Variants in GRM7 observed in about 807,000 individuals in gnomAD.
The protein encoded by GRM7 is metabotropic glutamate receptor 7.
Under a neutral mutation model 84.5 loss-of-function variants are expected in GRM7, and 35 were observed. The observed-to-expected ratio is 0.41, with a 90% CI of 0.32 to 0.55. The LOEUF (loss-of-function observed/expected upper bound fraction) is 0.55. Among genes scored for constraint, GRM7 ranks in the 20% least tolerant of loss-of-function variants. GRM7 has a pLI of 0.19. For synonymous variants in GRM7, 487 were observed against 455.1 expected (o/e 1.07, Z -0.89); for missense variants, 1,003 against 1,194.6 (o/e 0.84, Z 2.36).
chr3:7,622,181 G>C (rs766307655), intron 8 of GRM7, among the ~76,000 whole-genome samples: 2 of 152,130 alleles, frequency 1.3e-5, no homozygotes, highest in East Asian at 3.9e-4. Context: ...GCCAGGGGTT[G>C]ATAGTAGATG....
intron 1 of GRM7, among the ~76,000 whole-genome samples, chr3:7,038,601 A>G (rs1300833474): frequency 1.3e-5 from 2 of 152,172 alleles, no homozygotes; most frequent in African/African-American, 2.4e-5. Flanking sequence ...GGTGCTACCT[A>G]CGTGAGTCTA....
At chr3:6,919,365 ATT>A (rs60633616) in intron 1 of GRM7, among the ~76,000 whole-genome samples, 15 of 109,454 alleles carry the variant, frequency 1.4e-4, no homozygotes, top group South Asian at 3.1e-4. Flanking sequence ...TGCCTGGCTA[ATT>A]TTTTTTTTTT....
At chr3:7,194,781 T>A (rs1213879649) in intron 2 of GRM7, among the ~76,000 whole-genome samples, 7 of 152,252 alleles carry the variant, frequency 4.6e-5, no homozygotes, top group Non-Finnish European at 1.0e-4. Context: ...AAGGGTAAAA[T>A]GAGTTAATAT....
chr3:7,375,264 G>A (rs541684019), intron 4 of GRM7, among the ~76,000 whole-genome samples: 72 of 146,540 alleles, frequency 4.9e-4, no homozygotes, highest in Non-Finnish European at 8.5e-4. Context: ...GGTCACCCAG[G>A]CCAAAGTGCA....
chr3:7,603,718 A>C (rs1696430341), intron 8 of GRM7, among the ~76,000 whole-genome samples: 1 of 152,056 alleles, frequency 6.6e-6, no homozygotes, highest in Admixed American at 6.6e-5. Flanking sequence ...CATAGGTTTC[A>C]ATCATATGGG....
chr3:7,214,942 A>T (rs1315344478), intron 2 of GRM7, among the ~76,000 whole-genome samples: 1 of 152,158 alleles, frequency 6.6e-6, no homozygotes, highest in Non-Finnish European at 1.5e-5. Context: ...AGACCTAAAA[A>T]CCTCATTCAC....
At chr3:7,608,040 A>G (rs1021035030) in intron 8 of GRM7, 4 of 366,238 alleles carry the variant, frequency 1.1e-5, no homozygotes, top group Non-Finnish European at 1.7e-5. Flanking sequence ...AGCTCCATCT[A>G]TGTTCCTGCA....
At chr3:7,568,442 C>G (rs1446343416) in intron 7 of GRM7, among the ~76,000 whole-genome samples, 1 of 152,252 alleles carries the variant, frequency 6.6e-6, no homozygotes, top group Non-Finnish European at 1.5e-5. Context: ...TGACAGCGTG[C>G]TGACAGCCCT....
chr3:7,451,420 G>T (rs1347943311), intron 5 of GRM7, among the ~76,000 whole-genome samples: 1 of 152,196 alleles, frequency 6.6e-6, no homozygotes, highest in Non-Finnish European at 1.5e-5. Flanking sequence ...GTGACAAACA[G>T]TTGGGAATTA....
At chr3:7,147,187 A>T (rs1044660256) in intron 2 of GRM7, among the ~76,000 whole-genome samples, 1 of 152,198 alleles carries the variant, frequency 6.6e-6, no homozygotes, top group African/African-American at 2.4e-5. Context: ...CAAACTTGAG[A>T]TTATTTTGAG....
At chr3:7,129,118 A>G (rs1217649926) in intron 1 of GRM7, among the ~76,000 whole-genome samples, 1 of 152,202 alleles carries the variant, frequency 6.6e-6, no homozygotes, top group African/African-American at 2.4e-5. Flanking sequence ...GGATGCTTTC[A>G]TGGAAACAGA....
rs995734725 is a variant in GRM7, at chr3:7,107,017, A to C, written c.520-39435A>C. On this transcript the variant is annotated intron_variant, in intron 1 of 9. Coordinates refer to ENST00000357716, the MANE Select transcript of GRM7 (RefSeq NM_000844.4). ...CATTGTAAGATACTGACTTAGAAAAAAGATACCTTTTTAAACTCACACAAA... is the reference window on the plus strand; with the variant it reads ...CATTGTAAGATACTGACTTAGAAAACAGATACCTTTTTAAACTCACACAAA... Among the ~76,000 whole-genome samples, 3 of 152,044 alleles carry C rather than the reference A, an allele frequency of 2.0e-5. No individual in the cohort carries two copies. In the East Asian group the frequency reaches 5.8e-4, roughly 29 times the overall value.
intron 8 of GRM7, among the ~76,000 whole-genome samples, chr3:7,593,620 G>C (rs1695897706): frequency 6.6e-6 from 1 of 152,144 alleles, no homozygotes; most frequent in Admixed American, 6.5e-5. Context: ...ATAGCAAAAG[G>C]AAAAGCAAGG....
intron 1 of GRM7, among the ~76,000 whole-genome samples, chr3:7,011,174 T>C (rs1422245605): frequency 6.6e-6 from 1 of 152,172 alleles, no homozygotes; most frequent in African/African-American, 2.4e-5. Flanking sequence ...ATTTGTGAAA[T>C]TGTTATGTAA....
At chr3:6,881,387 C>A (rs1240967) in intron 1 of GRM7, among the ~76,000 whole-genome samples, 14 of 151,846 alleles carry the variant, frequency 9.2e-5, no homozygotes, top group African/African-American at 2.7e-4. Flanking sequence ...TGAGAACATG[C>A]GGTGTTTGGT....
chr3:7,305,045 C>G (rs1164381374), intron 3 of GRM7, among the ~76,000 whole-genome samples: 1 of 152,138 alleles, frequency 6.6e-6, no homozygotes, highest in African/African-American at 2.4e-5. Flanking sequence ...TATCTAGAGT[C>G]TACTTTCTGA....
intron 9 of GRM7, among the ~76,000 whole-genome samples, chr3:7,725,783 C>T (rs1287885974): frequency 1.3e-5 from 2 of 152,172 alleles, no homozygotes; most frequent in Non-Finnish European, 2.9e-5. Flanking sequence ...TTTCTACTTT[C>T]AACAGACATT....
chr3:6,898,043 G>A (rs1440994111), intron 1 of GRM7, among the ~76,000 whole-genome samples: 3 of 152,164 alleles, frequency 2.0e-5, no homozygotes, highest in Non-Finnish European at 4.4e-5. Flanking sequence ...TCCCATGGGT[G>A]TTCTCCATTG....
At chr3:7,502,439 C>T (rs551760135) in intron 7 of GRM7, among the ~76,000 whole-genome samples, 8 of 152,250 alleles carry the variant, frequency 5.3e-5, no homozygotes, top group African/African-American at 1.7e-4. Context: ...AGTTTCCTAA[C>T]ATTAAAATGA....
Sources: allele counts gnomAD v4.1 joint callset (sites outside exome capture counted in the v4.1 genomes callset), GRCh38; gene constraint gnomAD v4.1.1; transcripts MANE v1.5; gene names NCBI Gene and HGNC (gene_info 2026-07-23, HGNC 2026-07-21).